The following CNTN4 variants were observed in gnomAD, a reference collection of about 807,000 sequenced individuals.
CNTN4 encodes contactin 4, also known as contactin-4.
CNTN4 carries 77 observed loss-of-function variants against 122.5 expected under a neutral mutation model. The ratio of observed to expected loss-of-function variants is 0.63; its 90% confidence interval spans 0.52 to 0.76. The LOEUF is 0.76. CNTN4 is among the 30% of genes least tolerant of loss of function. The probability of loss-of-function intolerance (pLI) is 0.00; values close to 1 mark genes in which losing one functional copy is unlikely to be tolerated. For missense variants in CNTN4, 1,256 were observed against 1,259.1 expected (o/e 1.00, Z 0.04); for synonymous variants, 512 against 447.0 (o/e 1.15, Z -1.83).
At chr3:2,790,385 C>G (rs911161336) in intron 6 of CNTN4, among the ~76,000 whole-genome samples, 16 of 152,138 alleles carry the variant, frequency 1.1e-4, no homozygotes, top group African/African-American at 3.9e-4. Flanking sequence ...AATGACCCAG[C>G]CATCTAGGAC....
intron 3 of CNTN4, among the ~76,000 whole-genome samples, chr3:2,365,520 A>G (rs768588519): frequency 2.6e-5 from 4 of 152,202 alleles, no homozygotes; most frequent in Non-Finnish European, 5.9e-5. Context: ...TAATAAAGGA[A>G]CAAGGAATTG....
intron 2 of CNTN4, among the ~76,000 whole-genome samples, chr3:2,292,040 A>G (rs1236085278): frequency 1.3e-5 from 2 of 152,142 alleles, no homozygotes; most frequent in African/African-American, 2.4e-5. Flanking sequence ...CTGGCGAACT[A>G]TAATATTTTA....
At chr3:3,041,417 G>A (rs1437711376) in intron 20 of CNTN4, among the ~76,000 whole-genome samples, 1 of 152,188 alleles carries the variant, frequency 6.6e-6, no homozygotes, top group African/African-American at 2.4e-5. Context: ...ATGAAAATGA[G>A]AGGAAAAGGG....
chr3:2,559,789 C>A (rs1262597498), intron 3 of CNTN4, among the ~76,000 whole-genome samples: 1 of 152,116 alleles, frequency 6.6e-6, no homozygotes, highest in African/African-American at 2.4e-5. Flanking sequence ...TAGTCATGAA[C>A]TAAAGCATGA....
At chr3:2,766,986 G>A (rs913299075) in intron 6 of CNTN4, among the ~76,000 whole-genome samples, 1 of 152,120 alleles carries the variant, frequency 6.6e-6, no homozygotes, top group African/African-American at 2.4e-5. Context: ...GCAACTTGGA[G>A]CTGATGTAAG....
Position 2,162,815 on chromosome 3 carries a change from G to A in CNTN4, c.-145+62176G>A, listed in dbSNP as rs77590458. On this transcript the variant is annotated intron_variant, in intron 2 of 24. Transcript: ENST00000418658. ...AATAAAAGAAACAATAAGAAAACAGGGCTGGGTGTGGTGGCTCAGGCCTGT... is the reference window on the plus strand; with the variant it reads ...AATAAAAGAAACAATAAGAAAACAGAGCTGGGTGTGGTGGCTCAGGCCTGT... Among the ~76,000 whole-genome samples the A allele has an allele frequency of 5.2e-3, 785 of 152,254 alleles. 9 individuals are homozygous for A. The highest frequency in any genetic ancestry group is 0.018 in the African/African-American group (734 of 41,536).
intron 2 of CNTN4, among the ~76,000 whole-genome samples, chr3:2,166,777 G>C (rs1242230133): frequency 6.6e-6 from 1 of 152,068 alleles, no homozygotes; most frequent in Non-Finnish European, 1.5e-5. Context: ...AGACCGTTTA[G>C]TCATTGAGAT....
At chr3:2,444,912 GTTTACTA>G (rs910619783) in intron 3 of CNTN4, among the ~76,000 whole-genome samples, 1 of 151,534 alleles carries the variant, frequency 6.6e-6, no homozygotes, top group African/African-American at 2.4e-5. Flanking sequence ...ACAAAAGGAA[GTTTACTA>G]TTTATTATCA....
intron 7 of CNTN4, among the ~76,000 whole-genome samples, chr3:2,828,808 A>T (rs1388768354): frequency 6.6e-6 from 1 of 152,116 alleles, no homozygotes; most frequent in South Asian, 2.1e-4. Context: ...TGGCACGATC[A>T]TGGGTCATTG....
chr3:2,398,716 A>G (rs535986199), intron 3 of CNTN4, among the ~76,000 whole-genome samples: 5 of 152,298 alleles, frequency 3.3e-5, no homozygotes, highest in South Asian at 4.1e-4. Flanking sequence ...TTTCTGGCCC[A>G]TCATTGTTGG....
At chr3:2,597,787 C>A (rs1352988569) in intron 4 of CNTN4, among the ~76,000 whole-genome samples, 5 of 152,136 alleles carry the variant, frequency 3.3e-5, no homozygotes, top group African/African-American at 9.7e-5. Context: ...GACCTGACAG[C>A]GTTCTCACTA....
intron 2 of CNTN4, among the ~76,000 whole-genome samples, chr3:2,149,701 T>G (rs561631544): frequency 6.6e-6 from 1 of 152,338 alleles, no homozygotes; most frequent in East Asian, 1.9e-4. Context: ...ATGTTTACAT[T>G]TATATAATTT....
intron 2 of CNTN4, among the ~76,000 whole-genome samples, chr3:2,313,214 G>C (rs1314432721): frequency 6.6e-6 from 1 of 151,902 alleles, no homozygotes; most frequent in African/African-American, 2.4e-5. Flanking sequence ...TACATAAACT[G>C]TTTAAACGTC....
chr3:3,054,073 A>G (rs1701543780), intron 24 of CNTN4, 98 bp downstream of exon 24: 1 of 1,274,774 alleles, frequency 7.8e-7, no homozygotes, highest in Admixed American at 1.8e-5. Flanking sequence ...CTGCAAAAGC[A>G]GACTTAAAAT....
At position 2,747,375 on chromosome 3, in the gene CNTN4, C is replaced by G. The variant is rs566877115; in HGVS notation, c.358+1678C>G. Among the ~76,000 whole-genome samples, 683 of 150,426 alleles carry G rather than the reference C, an allele frequency of 4.5e-3. 22 individuals are homozygous for G. The highest frequency in any genetic ancestry group is 0.015 in the African/African-American group (627 of 40,722). On this transcript the variant is annotated intron_variant, in intron 6 of 24. Coordinates refer to ENST00000418658, the MANE Select transcript of CNTN4 (RefSeq NM_175607.3). ...AGTGAGCCGAGATGGCGCCACTGGA[C>G]TCCAGCCTGGGCGACAGAGCGAGAC... is the stretch of plus-strand genomic sequence containing the variant.
At chr3:2,912,677 G>A (rs2094313673) in intron 12 of CNTN4, among the ~76,000 whole-genome samples, 1 of 152,140 alleles carries the variant, frequency 6.6e-6, no homozygotes, top group Non-Finnish European at 1.5e-5. Context: ...GTAACAAAGT[G>A]GGGCAGCAGG....
intron 2 of CNTN4, among the ~76,000 whole-genome samples, chr3:2,235,665 G>C (rs994375239): frequency 2.6e-5 from 4 of 152,046 alleles, no homozygotes; most frequent in South Asian, 4.1e-4. Context: ...TAGAGAACTA[G>C]ATTTCAGTAA....
chr3:2,113,233 G>T (rs549673706), intron 2 of CNTN4, among the ~76,000 whole-genome samples: 1 of 152,124 alleles, frequency 6.6e-6, no homozygotes, highest in African/African-American at 2.4e-5. Context: ...CATCAATAGG[G>T]ACTATTTGAG....
chr3:2,324,287 G>GGCA (rs1553624082), intron 2 of CNTN4, among the ~76,000 whole-genome samples: 2 of 151,648 alleles, frequency 1.3e-5, no homozygotes, highest in African/African-American at 4.9e-5. Flanking sequence ...GAAATAACTG[G>GGCA]ATGTGTCTGC....
Sources: gnomAD v4.1 joint callset for allele counts (sites outside exome capture counted in the v4.1 genomes callset) on GRCh38, gnomAD v4.1.1 for gene constraint, MANE v1.5 for transcripts, NCBI Gene and HGNC (gene_info 2026-07-23, HGNC 2026-07-21) for gene names.